Variants in DENND2D observed in about 807,000 individuals in gnomAD.
The protein encoded by DENND2D is DENN domain-containing protein 2D.
A neutral mutation model predicts 59.8 loss-of-function variants in DENND2D; 37 were observed. The observed-to-expected ratio is 0.62, with a 90% CI of 0.48 to 0.81. The LOEUF (loss-of-function observed/expected upper bound fraction) is 0.81. Among genes scored for constraint, DENND2D ranks in the 40% least tolerant of loss-of-function variants. The pLI is 0.00. For missense variants in DENND2D, 525 were observed against 579.7 expected, an observed-to-expected ratio of 0.91 and a Z score of 0.97; for synonymous variants, 219 against 211.3, an observed-to-expected ratio of 1.04 and a Z score of -0.31.
intron 7 of DENND2D, among the ~76,000 whole-genome samples, chr1:111,193,282 G>A (rs1317887220): frequency 6.6e-6 from 1 of 152,158 alleles, no homozygotes; most frequent in African/African-American, 2.4e-5. Context: ...CCGAGCTTCA[G>A]GGAGCTGAAA....
Position 111,199,773 on chromosome 1 carries a change from T to C in DENND2D, c.93A>G (p.Glu31=), listed in dbSNP as rs147156567. Residue 31 remains glutamate, a synonymous_variant, in exon 2 of 12, where the codon GAA becomes GAG. Transcript: ENST00000357640. ...RAGPPQDNSG[E]ALKEPERAQE... Reference sequence around the variant, plus strand: ...GGGCCCTTTCTGGTTCCTTTAAAGCTTCCCCTGAATTGTCCTGGGGTGGTC... The same window carrying C: ...GGGCCCTTTCTGGTTCCTTTAAAGCCTCCCCTGAATTGTCCTGGGGTGGTC... 62 of 1,613,880 alleles carry C rather than the reference T, an allele frequency of 3.8e-5. No homozygotes were observed. The African/African-American group carries it at 5.6e-4, about 15-fold the overall frequency.
intron 3 of DENND2D, among the ~76,000 whole-genome samples, 181 bp from the exon 4 acceptor site, chr1:111,198,170 T>G (rs1317462482): frequency 3.9e-5 from 6 of 152,208 alleles, no homozygotes; most frequent in Non-Finnish European, 5.9e-5. Context: ...AACAACTCTT[T>G]GAGGTAGGTT....
At position 111,189,260 on chromosome 1, in the gene DENND2D, T is replaced by C; in HGVS notation, c.973-7A>G. 6.2e-7 allele frequency: 1 copy of C among 1,614,140 alleles called. No individual in the cohort carries two copies. Among genetic ancestry groups the C allele is most frequent in the South Asian group, 1.1e-5 (1 of 91,070 alleles). ...AAAGATTGACCAGCAGGACCTGAAA[T>C]AAACATAGACTGGCTTTCTCTGGTC... On this transcript the variant is annotated splice_region_variant and splice_polypyrimidine_tract_variant and intron_variant, in intron 8 of 11. Coordinates refer to ENST00000357640, the MANE Select transcript of DENND2D (RefSeq NM_024901.5).
upstream of DENND2D, chr1:111,204,395 GC>G: frequency 1.5e-6 from 2 of 1,354,198 alleles, no homozygotes; most frequent in Non-Finnish European, 1.9e-6. Context: ...CTCCGCGCTG[GC>G]CCCGCCCCCC....
chr1:111,204,422 C>T (rs1659114350), upstream of DENND2D: 2 of 1,320,248 alleles, frequency 1.5e-6, no homozygotes, highest in East Asian at 3.1e-5. Flanking sequence ...TTGACCTCCG[C>T]GGGTCCGACA....
In DENND2D at chr1:111,188,462, GCTC is replaced by G. The variant is rs1657428329; in HGVS notation, c.1100-95_1100-93del. ...AGAATGGCTTTCTTGCAGGCGGAAAGCTCCTGGGGAAAGCCATAGGGTAGGGTT... is the reference window on the plus strand; with the variant it reads ...AGAATGGCTTTCTTGCAGGCGGAAAGCTGGGGAAAGCCATAGGGTAGGGTT... On this transcript the variant is annotated intron_variant, in intron 10 of 11. Transcript: ENST00000357640. 4 of 1,544,216 alleles carry G rather than the reference GCTC, an allele frequency of 2.6e-6. No homozygotes were observed. The African/African-American group carries it at 4.1e-5, about 16-fold the overall frequency.
chr1:111,195,912 C>T lies in DENND2D; in HGVS notation c.645+4G>A. On this transcript the variant is annotated splice_donor_region_variant and intron_variant, in intron 6 of 11. Transcript: ENST00000357640. ...GGAAGGTCTCACCCATTTTGCTAAC[C>T]CACCTCAGTGCCTGAGTCGGGGATG... The T allele has an allele frequency of 6.2e-7, 1 of 1,614,026 alleles. No individual in the cohort carries two copies. Among genetic ancestry groups the T allele is most frequent in the South Asian group, 1.1e-5 (1 of 91,068 alleles).
chr1:111,201,765 C>T (rs1658825255), upstream of DENND2D, among the ~76,000 whole-genome samples: 1 of 152,192 alleles, frequency 6.6e-6, no homozygotes, highest in African/African-American at 2.4e-5. Context: ...AAAACAGCTG[C>T]TTTGCTCCTA....
At chr1:111,191,571 G>A (rs1657780751) in intron 8 of DENND2D, among the ~76,000 whole-genome samples, 1 of 152,174 alleles carries the variant, frequency 6.6e-6, no homozygotes, top group South Asian at 2.1e-4. Context: ...GCACTGCCAA[G>A]ATGTAAGAAG....
intron 4 of DENND2D, chr1:111,197,520 G>A: frequency 2.2e-6 from 3 of 1,393,300 alleles, no homozygotes; most frequent in Non-Finnish European, 2.8e-6. Flanking sequence ...TAGAGATGAA[G>A]AAATGGCTAA....
At chr1:111,194,483 C>T (rs986498751) in intron 7 of DENND2D, 95 bp downstream of exon 7, 1 of 1,435,036 alleles carries the variant, frequency 7.0e-7, no homozygotes, top group Non-Finnish European at 9.5e-7. Flanking sequence ...GCGCATGGAC[C>T]CTACAGCCCA....
In DENND2D at chr1:111,187,398, C is replaced by T. The variant is rs1361482879; in HGVS notation, c.*207G>A. ...GGAGCTCTGAGCCCAGTTCTGTGAG[C>T]ATGGTGTCAGAGCCCTCCAAAGTCC... On this transcript the variant is annotated 3_prime_UTR_variant, in exon 12 of 12. Transcript: ENST00000357640. 3.5e-6 allele frequency: 2 copies of T among 569,808 alleles called. No homozygotes were observed. Among genetic ancestry groups the T allele is most frequent in the Non-Finnish European group, 6.3e-6 (2 of 317,386 alleles). 35.3% of individuals were successfully genotyped at this position (569,808 alleles called of 1,614,324 possible). A position where few individuals can be genotyped will look rare whatever the true frequency, so the allele number is the denominator to read the frequency against.
chr1:111,189,227 T>TC lies in DENND2D; in HGVS notation c.998dup (p.Thr334AsnfsTer8). On this transcript the variant is annotated frameshift_variant, in exon 9 of 12. Coordinates refer to ENST00000357640, the MANE Select transcript of DENND2D (RefSeq NM_024901.5). LOFTEE classifies it high-confidence loss of function. ...AGACACTTACCGACATTAAGAAGGT[T>TC]CCTTCACAAAGATTGACCAGCAGGA... 6.2e-7 allele frequency: 1 copy of TC among 1,614,174 alleles called. No homozygotes were observed. The highest frequency in any genetic ancestry group is 8.5e-7 in the Non-Finnish European group (1 of 1,180,024).
intron 11 of DENND2D, among the ~76,000 whole-genome samples, 179 bp downstream of exon 11, chr1:111,187,952 A>G (rs1657372794): frequency 6.6e-6 from 1 of 152,232 alleles, no homozygotes; most frequent in Admixed American, 6.5e-5. Context: ...AACTTCCACA[A>G]AATGGCAGCC....
intron 7 of DENND2D, 124 bp downstream of exon 7, chr1:111,194,454 G>T: frequency 8.8e-7 from 1 of 1,132,582 alleles, no homozygotes; most frequent in Non-Finnish European, 1.3e-6. Flanking sequence ...AGAACAAGGA[G>T]CTAGAAACAG....
chr1:111,195,143 G>GTT, intron 6 of DENND2D: 1 of 162,932 alleles, frequency 6.1e-6, no homozygotes, highest in Non-Finnish European at 1.3e-5. Context: ...ACCCTGTTTT[G>GTT]TTTTTTTTTC....
At chr1:111,197,098 G>C in intron 5 of DENND2D, 78 bp downstream of exon 5, 1 of 1,484,322 alleles carries the variant, frequency 6.7e-7, no homozygotes, top group Non-Finnish European at 9.2e-7. Context: ...GCTCCACTAA[G>C]AGCTTAGTTG....
At chr1:111,192,930 A>G (rs1657916243) in intron 7 of DENND2D, among the ~76,000 whole-genome samples, 1 of 152,190 alleles carries the variant, frequency 6.6e-6, no homozygotes, top group African/African-American at 2.4e-5. Flanking sequence ...GGAAATTCCC[A>G]GGTTCTAGGA....
intron 2 of DENND2D, 64 bp downstream of exon 2, chr1:111,199,559 C>G (rs1658590939): frequency 5.9e-6 from 9 of 1,535,280 alleles, no homozygotes; most frequent in Non-Finnish European, 7.9e-6. Context: ...GTGGAACCCC[C>G]ACCCCTACCA....
Sources: gnomAD v4.1 joint callset for allele counts (sites outside exome capture counted in the v4.1 genomes callset) on GRCh38, gnomAD v4.1.1 for gene constraint, MANE v1.5 for transcripts, NCBI Gene and HGNC (gene_info 2026-07-23, HGNC 2026-07-21) for gene names.